The following TCP11L2 variants were observed in gnomAD, a reference collection of about 807,000 sequenced individuals.
The protein encoded by TCP11L2 is T-complex protein 11-like protein 2.
TCP11L2 carries 39 observed loss-of-function variants against 50.7 expected under a neutral mutation model. That is an observed-to-expected ratio of 0.77 (90% CI 0.60 to 1.01). The LOEUF (loss-of-function observed/expected upper bound fraction) is 1.01, where lower values mean the gene tolerates loss of function less well. TCP11L2 is among the 50% of genes least tolerant of loss of function. The pLI, the probability that TCP11L2 is intolerant of heterozygous loss-of-function variation, is 0.00. For synonymous variants in TCP11L2, 192 were observed against 219.3 expected, an observed-to-expected ratio of 0.88 and a Z score of 1.10; for missense variants, 612 against 614.7, an observed-to-expected ratio of 1.00 and a Z score of 0.05.
chr12:106,340,999 G>T lies in TCP11L2; in HGVS notation c.1315+1G>T, dbSNP rs1301699766. ...GACAATCCTATCTGGTCCTTGATTG[G>T]TGAGTCCTTTTATTGATTTCTGCTT... On this transcript the variant is annotated splice_donor_variant, in intron 9 of 9. Coordinates refer to ENST00000299045, the MANE Select transcript of TCP11L2 (RefSeq NM_152772.3). LOFTEE classifies it high-confidence loss of function. 2 of 1,597,780 alleles carry T rather than the reference G, an allele frequency of 1.3e-6. No homozygotes were observed. The highest frequency in any genetic ancestry group is 1.3e-5 in the African/African-American group (1 of 74,198).
At chr12:106,315,264 A>C (rs547463909) in intron 3 of TCP11L2, among the ~76,000 whole-genome samples, 1 of 152,162 alleles carries the variant, frequency 6.6e-6, no homozygotes, top group East Asian at 1.9e-4. Flanking sequence ...ACAAACAAAA[A>C]AATTCCCCTA....
chr12:106,323,705 G>A (rs757978762), intron 6 of TCP11L2, 59 bp downstream of exon 6: 10 of 828,898 alleles, frequency 1.2e-5, no homozygotes. Flanking sequence ...GATTTTAAAT[G>A]TTAAAATTTA....
At chr12:106,302,400 C>CCCGCTCAGCCT, upstream of TCP11L2, among the ~76,000 whole-genome samples, 1 of 83,218 alleles carries the variant, frequency 1.2e-5, no homozygotes, top group Non-Finnish European at 2.4e-5. Flanking sequence ...CCGCTCAGCC[C>CCCGCTCAGCCT]CCGCTCAGCC....
chr12:106,305,415 C>T (rs1340385360), intron 1 of TCP11L2, among the ~76,000 whole-genome samples: 1 of 152,134 alleles, frequency 6.6e-6, no homozygotes, highest in Non-Finnish European at 1.5e-5. Context: ...ATTTTTGGTG[C>T]CTTGCAAATG....
intron 3 of TCP11L2, among the ~76,000 whole-genome samples, chr12:106,317,086 CA>C (rs1326419841): frequency 6.6e-6 from 1 of 152,180 alleles, no homozygotes; most frequent in Admixed American, 6.5e-5. Flanking sequence ...TACTCACTAG[CA>C]TAAAAGTGCC....
intron 1 of TCP11L2, among the ~76,000 whole-genome samples, chr12:106,305,492 G>C (rs1471670402): frequency 6.6e-6 from 1 of 152,184 alleles, no homozygotes; most frequent in Non-Finnish European, 1.5e-5. Context: ...AAAATCTAGT[G>C]GGAGACAGAT....
intron 6 of TCP11L2, among the ~76,000 whole-genome samples, chr12:106,331,442 TGTTAATAAGGC>T (rs1220930985): frequency 2.6e-5 from 4 of 152,198 alleles, no homozygotes; most frequent in African/African-American, 9.6e-5. Context: ...GAGGCAACTT[TGTTAATAAGGC>T]AGCTGTTGTG....
chr12:106,323,566 TGA>T lies in TCP11L2; in HGVS notation c.694_695del (p.Leu233GlnfsTer12), dbSNP rs780810107. 6.2e-7 allele frequency: 1 copy of T among 1,609,918 alleles called. No individual in the cohort carries two copies. Among genetic ancestry groups the T allele is most frequent in the Admixed American group, 1.7e-5 (1 of 59,156 alleles). ...ATGGACATGGCCAATTTTACAATTATGAGTCTCAGACCGCACCTTCAACGCCA... is the reference window on the plus strand; with the variant it reads ...ATGGACATGGCCAATTTTACAATTATGTCTCAGACCGCACCTTCAACGCCA... On this transcript the variant is annotated frameshift_variant, in exon 6 of 10. Transcript: ENST00000299045. LOFTEE classifies it high-confidence loss of function.
intron 3 of TCP11L2, 44 bp downstream of exon 3, chr12:106,314,537 G>C (rs780225614): frequency 1.2e-5 from 5 of 403,852 alleles, no homozygotes; most frequent in East Asian, 5.7e-5. Flanking sequence ...TGAAGATTCT[G>C]TGTGTGTGTG....
chr12:106,300,835 C>A (rs927061455), upstream of TCP11L2, among the ~76,000 whole-genome samples: 1 of 152,166 alleles, frequency 6.6e-6, no homozygotes, highest in Non-Finnish European at 1.5e-5. Flanking sequence ...AGCTACATAT[C>A]TGAACTTTAA....
chr12:106,302,320 C>CCCCACGCTCAGCCCCCGCTCAG, upstream of TCP11L2, among the ~76,000 whole-genome samples: 1 of 40,074 alleles, frequency 2.5e-5, no homozygotes, highest in South Asian at 8.9e-4. Context: ...AGCCCCCGCT[C>CCCCACGCTCAGCCCCCGCTCAG]CCCCCGCTCA....
At chr12:106,317,973 C>A (rs138288723) in intron 3 of TCP11L2, among the ~76,000 whole-genome samples, 2 of 152,300 alleles carry the variant, frequency 1.3e-5, no homozygotes, top group Admixed American at 1.3e-4. Flanking sequence ...GAAATTTCAG[C>A]TGGTGAGGAA....
chr12:106,318,334 A>C lies in TCP11L2; in HGVS notation c.294-10A>C, dbSNP rs759212901. The C allele has an allele frequency of 3.7e-6, 6 of 1,609,578 alleles. No individual in the cohort carries two copies. In the South Asian group the frequency reaches 6.7e-5, roughly 18 times the overall value. Reference sequence around the variant, plus strand: ...CTTATTTTAAAAAACAATTCATTTTATTGCCATAGTTTGGCTGGTCGAGTG... The same window carrying C: ...CTTATTTTAAAAAACAATTCATTTTCTTGCCATAGTTTGGCTGGTCGAGTG... On this transcript the variant is annotated splice_polypyrimidine_tract_variant and intron_variant, in intron 3 of 9. Coordinates refer to ENST00000299045, the MANE Select transcript of TCP11L2 (RefSeq NM_152772.3).
intron 6 of TCP11L2, among the ~76,000 whole-genome samples, chr12:106,332,956 A>T (rs2035795681): frequency 6.6e-6 from 1 of 152,202 alleles, no homozygotes; most frequent in Non-Finnish European, 1.5e-5. Flanking sequence ...AGTTTTGGTG[A>T]TCAGTGGTTA....
chr12:106,315,166 G>A (rs769178719), intron 3 of TCP11L2, among the ~76,000 whole-genome samples: 22 of 152,234 alleles, frequency 1.4e-4, no homozygotes, highest in Non-Finnish European at 3.2e-4. Context: ...AACCCAGGAG[G>A]TGGAGGTTTC....
At chr12:106,336,547 AT>A (rs11449901) in intron 8 of TCP11L2, among the ~76,000 whole-genome samples, 13,820 of 102,190 alleles carry the variant, frequency 0.14, 473 homozygotes, top group African/African-American at 0.18. Context: ...GAATTGCGCA[AT>A]TTTTTTTTTT....
chr12:106,316,358 A>G (rs2035079906), intron 3 of TCP11L2, among the ~76,000 whole-genome samples: 1 of 151,950 alleles, frequency 6.6e-6, no homozygotes, highest in African/African-American at 2.4e-5. Context: ...AAATCTAAGC[A>G]TTTTCCTATG....
intron 1 of TCP11L2, among the ~76,000 whole-genome samples, chr12:106,304,701 GAGCTA>G (rs1239825802): frequency 1.3e-5 from 2 of 152,162 alleles, no homozygotes; most frequent in African/African-American, 4.8e-5. Flanking sequence ...TTTTTTGCGT[GAGCTA>G]ACCTTAACTG....
At chr12:106,315,005 C>CAAAA (rs11450523) in intron 3 of TCP11L2, among the ~76,000 whole-genome samples, 2 of 126,044 alleles carry the variant, frequency 1.6e-5, no homozygotes, top group East Asian at 2.6e-4. Flanking sequence ...GACCCTGTCT[C>CAAAA]AAAAAAAAAA....
Sources: allele counts gnomAD v4.1 joint callset (sites outside exome capture counted in the v4.1 genomes callset), GRCh38; gene constraint gnomAD v4.1.1; transcripts MANE v1.5; gene names NCBI Gene and HGNC (gene_info 2026-07-23, HGNC 2026-07-21).